PUM3: variants seen among roughly 807,000 people sequenced by gnomAD.
The protein encoded by PUM3 is pumilio homolog 3.
In PUM3, 91 loss-of-function variants were observed where a neutral mutation model predicts 84.0. That is an observed-to-expected ratio of 1.08 (90% confidence interval 0.91 to 1.29). The LOEUF is 1.29. PUM3 is among the 50% of genes most tolerant of loss of function. The pLI is 0.00. For missense variants in PUM3, 1,067 were observed against 767.5 expected (o/e 1.39, Z -4.61); for synonymous variants, 321 against 266.7 (o/e 1.20, Z -1.98).
intron 17 of PUM3, among the ~76,000 whole-genome samples, chr9:2,804,731 T>G (rs1586714083): frequency 1.3e-5 from 2 of 152,334 alleles, no homozygotes; most frequent in East Asian, 3.9e-4. Context: ...GGTTCTACCT[T>G]CACATTATCT....
In PUM3 at chr9:2,804,157, A is replaced by G. The variant is rs565341202; in HGVS notation, c.*174T>C. On this transcript the variant is annotated 3_prime_UTR_variant, in exon 18 of 18. Transcript: ENST00000397885. ...AACAGAGGAGACAGCTGAGATTTTTAAAAAAGACCATTTAAAAAAACAATT... is the reference window on the plus strand; with the variant it reads ...AACAGAGGAGACAGCTGAGATTTTTGAAAAAGACCATTTAAAAAAACAATT... The G allele has an allele frequency of 1.0e-4, 59 of 567,380 alleles. No individual in the cohort carries two copies. Among genetic ancestry groups the G allele is most frequent in the African/African-American group, 9.9e-4 (52 of 52,760 alleles). 35.1% of individuals were successfully genotyped at this position (567,380 alleles called of 1,614,324 possible).
Position 2,833,356 on chromosome 9 carries a change from C to T in PUM3, c.516+1G>A, listed in dbSNP as rs773758539. ...TGCAACAATGAGTATATGCTACTTA[C>T]AGTTTTAATTTTCCCTTGAATCAAC... On this transcript the variant is annotated splice_donor_variant, in intron 5 of 17. Transcript: ENST00000397885. LOFTEE classifies it high-confidence loss of function. 1.3e-6 allele frequency: 2 copies of T among 1,546,768 alleles called. No individual in the cohort carries two copies. The highest frequency in any genetic ancestry group is 1.4e-5 in the African/African-American group (1 of 73,440).
At chr9:2,828,320 C>T (rs925531081) in intron 9 of PUM3, among the ~76,000 whole-genome samples, 6 of 152,172 alleles carry the variant, frequency 3.9e-5, no homozygotes, top group South Asian at 2.1e-4. Flanking sequence ...GAATTATAGG[C>T]GTGAGCCACT....
At chr9:2,804,869 G>A (rs1821229028) in intron 17 of PUM3, among the ~76,000 whole-genome samples, 1 of 152,154 alleles carries the variant, frequency 6.6e-6, no homozygotes, top group Non-Finnish European at 1.5e-5. Context: ...CATTTACAGA[G>A]CAGACAGCCA....
At chr9:2,822,354 G>C (rs1815668747) in intron 12 of PUM3, among the ~76,000 whole-genome samples, 1 of 151,922 alleles carries the variant, frequency 6.6e-6, no homozygotes, top group South Asian at 2.1e-4. Context: ...ACAGGTCTCA[G>C]TAAATTTAAA....
chr9:2,819,896 A>C, intron 13 of PUM3, 122 bp downstream of exon 13: 1 of 541,688 alleles, frequency 1.8e-6, no homozygotes, highest in Non-Finnish European at 3.3e-6. Flanking sequence ...CTTAAAAGTA[A>C]GCAAAAATAC....
intron 4 of PUM3, 134 bp downstream of exon 4, chr9:2,833,897 T>A (rs1480677988): frequency 1.3e-6 from 1 of 777,500 alleles, no homozygotes. Context: ...ATGTCTCTAA[T>A]GGGGTGTCAT....
chr9:2,811,272 C>A (rs976136909), intron 15 of PUM3, 89 bp downstream of exon 15: 1 of 1,019,610 alleles, frequency 9.8e-7, no homozygotes. Context: ...TCTCCCTCCC[C>A]AGCTTTCTTA....
chr9:2,841,806 G>C (rs1816273558), intron 1 of PUM3, among the ~76,000 whole-genome samples: 1 of 151,032 alleles, frequency 6.6e-6, no homozygotes, highest in Non-Finnish European at 1.5e-5. Context: ...TAACTGATTT[G>C]TCACAGCCTG....
At chr9:2,829,535 T>C (rs947503969) in intron 8 of PUM3, among the ~76,000 whole-genome samples, 2 of 152,162 alleles carry the variant, frequency 1.3e-5, no homozygotes, top group Admixed American at 1.3e-4. Flanking sequence ...CACAGAGCAC[T>C]CAGGAGAGGA....
intron 9 of PUM3, 67 bp from the exon 10 acceptor site, chr9:2,827,218 A>G (rs1195191219): frequency 9.1e-7 from 1 of 1,103,700 alleles, no homozygotes; most frequent in Non-Finnish European, 1.3e-6. Context: ...AAAGACAGGT[A>G]ATCTCAAAGT....
chr9:2,841,571 T>C (rs1816268513), intron 1 of PUM3, among the ~76,000 whole-genome samples: 1 of 152,132 alleles, frequency 6.6e-6, no homozygotes, highest in African/African-American at 2.4e-5. Context: ...CTATTTCAAA[T>C]GTTAAACTAC....
At chr9:2,842,753 A>C (rs149507045) in intron 1 of PUM3, among the ~76,000 whole-genome samples, 1 of 152,064 alleles carries the variant, frequency 6.6e-6, no homozygotes, top group African/African-American at 2.4e-5. Flanking sequence ...GATACCTCTA[A>C]TTATGTGTCT....
chr9:2,831,576 T>A (rs1267769159), intron 5 of PUM3, among the ~76,000 whole-genome samples: 1 of 152,146 alleles, frequency 6.6e-6, no homozygotes, highest in Non-Finnish European at 1.5e-5. Context: ...AAGGATAAAT[T>A]TAACCATTTT....
chr9:2,838,795 A>G (rs185433293), intron 1 of PUM3, among the ~76,000 whole-genome samples: 34 of 152,320 alleles, frequency 2.2e-4, no homozygotes, highest in African/African-American at 6.7e-4. Context: ...CTTCCACAAT[A>G]GTACTGGCTA....
intron 13 of PUM3, among the ~76,000 whole-genome samples, chr9:2,816,452 G>A (rs543085692): frequency 6.6e-5 from 10 of 152,168 alleles, no homozygotes; most frequent in Non-Finnish European, 1.5e-4. Context: ...CTAACAATGA[G>A]CATATTTAAT....
At chr9:2,834,553 C>T (rs897499244) in intron 3 of PUM3, among the ~76,000 whole-genome samples, 1 of 152,044 alleles carries the variant, frequency 6.6e-6, no homozygotes, top group South Asian at 2.1e-4. Context: ...CAAATGAAAA[C>T]AAGAAAAACA....
intron 5 of PUM3, among the ~76,000 whole-genome samples, 179 bp downstream of exon 5, chr9:2,833,178 C>T (rs528527026): frequency 5.8e-4 from 89 of 152,268 alleles, no homozygotes; most frequent in South Asian, 2.5e-3. Flanking sequence ...AACTCCCTAG[C>T]AGTAAGGTCC....
Position 2,834,127 on chromosome 9 carries a change from T to C in PUM3, c.344A>G (p.Lys115Arg), listed in dbSNP as rs1406783596. The C allele has an allele frequency of 6.2e-7, 1 of 1,613,600 alleles. No individual in the cohort carries two copies. Among genetic ancestry groups the C allele is most frequent in the Non-Finnish European group, 8.5e-7 (1 of 1,179,708 alleles). ...AKKPKWDDFK[K>R]KKKELKQSRQ... is the part of the protein sequence containing the mutation. ...GCTTTGCTTCAGTTCTTTCTTCTTC[T>C]TTTTGAAGTCATCCCATTTGGGCTT... Residue 115 changes from lysine to arginine, a missense_variant, in exon 4 of 18, where the codon AAG becomes AGG. Lys to Arg is a conservative substitution (Grantham distance 26). Transcript: ENST00000397885.
Sources: allele counts gnomAD v4.1 joint callset (sites outside exome capture counted in the v4.1 genomes callset), GRCh38; gene constraint gnomAD v4.1.1; transcripts MANE v1.5; gene names NCBI Gene and HGNC (gene_info 2026-07-23, HGNC 2026-07-21).